The following GSK3B variants were observed in gnomAD, a reference collection of about 807,000 sequenced individuals.
GSK3B encodes the protein glycogen synthase kinase-3 beta.
A neutral mutation model predicts 56.4 loss-of-function variants in GSK3B; 15 were observed. The ratio of observed to expected loss-of-function variants is 0.27; its 90% CI spans 0.18 to 0.41. GSK3B has a LOEUF of 0.41. GSK3B is among the 10% of genes least tolerant of loss of function. GSK3B has a pLI of 1.00. For missense variants in GSK3B, 300 were observed against 513.4 expected (o/e 0.58, Z 4.02); for synonymous variants, 181 against 188.9 (o/e 0.96, Z 0.34).
At chr3:120,013,901 G>A (rs2057801295) in intron 1 of GSK3B, among the ~76,000 whole-genome samples, 1 of 151,670 alleles carries the variant, frequency 6.6e-6, no homozygotes, top group African/African-American at 2.4e-5. Context: ...CGGGCGCAGT[G>A]GCTCAAGCCT....
At chr3:120,090,480 A>G (rs1314545043) in intron 1 of GSK3B, among the ~76,000 whole-genome samples, 1 of 152,202 alleles carries the variant, frequency 6.6e-6, no homozygotes, top group Non-Finnish European at 1.5e-5. Context: ...CAATTTTCCC[A>G]TTACAATTAA....
At chr3:120,042,884 T>C (rs1211703236) in intron 1 of GSK3B, among the ~76,000 whole-genome samples, 1 of 152,248 alleles carries the variant, frequency 6.6e-6, no homozygotes. Flanking sequence ...CCAATTGCCC[T>C]GATGAAAATC....
chr3:120,002,091 T>A lies in GSK3B; in HGVS notation c.237A>T (p.Gly79=). Residue 79 remains glycine (G), a synonymous_variant, in exon 2 of 11, where the codon GGA becomes GGT. Coordinates refer to ENST00000264235, the MANE Select transcript of GSK3B (RefSeq NM_001146156.2). ...ATACTTTCTTGATGGCGACCAGTTC[T>A]CCTGAATCACAAAGTTTGGCTTGAT... is the stretch of plus-strand genomic sequence containing the variant. ...VVYQAKLCDS[G]ELVAIKKVLQ... is the part of the protein sequence containing the mutation. The A allele has an allele frequency of 4.4e-6, 7 of 1,609,164 alleles. No homozygotes were observed. The highest frequency in any genetic ancestry group is 5.9e-6 in the Non-Finnish European group (7 of 1,178,080).
intron 1 of GSK3B, chr3:120,029,838 G>T: frequency 1.8e-6 from 1 of 551,722 alleles, no homozygotes; most frequent in Admixed American, 1.9e-5. Context: ...GAGGACTAAT[G>T]GCCCCCAAAA....
intron 2 of GSK3B, among the ~76,000 whole-genome samples, chr3:119,981,911 G>A (rs1217094095): frequency 1.3e-5 from 2 of 152,226 alleles, no homozygotes; most frequent in Admixed American, 6.5e-5. Context: ...CCTGACCCCC[G>A]TATAGCCTAA....
At chr3:119,912,865 A>T in intron 5 of GSK3B, 55 bp from the exon 6 acceptor site, 1 of 813,696 alleles carries the variant, frequency 1.2e-6, no homozygotes, top group South Asian at 1.7e-5. Flanking sequence ...CTAAACCTTA[A>T]AGAACTTAGA....
chr3:120,017,480 A>G (rs1026442843), intron 1 of GSK3B, among the ~76,000 whole-genome samples: 21 of 152,184 alleles, frequency 1.4e-4, no homozygotes, highest in African/African-American at 3.9e-4. Flanking sequence ...AATGCCCCCA[A>G]TATAACAGCT....
At chr3:119,912,933 T>C (rs1324952810) in intron 5 of GSK3B, 123 bp from the exon 6 acceptor site, 4 of 462,692 alleles carry the variant, frequency 8.6e-6, no homozygotes, top group Admixed American at 3.5e-5. Context: ...TTGAATCATA[T>C]ATGAAAAAGA....
At chr3:119,936,354 A>AT (rs34550759) in intron 3 of GSK3B, among the ~76,000 whole-genome samples, 33,599 of 125,496 alleles carry the variant, frequency 0.27, 4,495 homozygotes, top group East Asian at 0.41. Context: ...ATATATATAT[A>AT]TTTTTTTTTT....
chr3:119,952,412 C>T (rs1333422402), intron 2 of GSK3B, among the ~76,000 whole-genome samples: 7 of 149,194 alleles, frequency 4.7e-5, no homozygotes, highest in East Asian at 2.0e-4. Flanking sequence ...TGCTTGAGCC[C>T]GGGAGGCAGA....
chr3:120,083,598 G>T (rs2058440206), intron 1 of GSK3B, among the ~76,000 whole-genome samples: 1 of 152,140 alleles, frequency 6.6e-6, no homozygotes, highest in Non-Finnish European at 1.5e-5. Context: ...CAGCTTAATA[G>T]CTCCTTAACA....
chr3:120,069,344 A>G (rs933050171), intron 1 of GSK3B, among the ~76,000 whole-genome samples: 12 of 152,338 alleles, frequency 7.9e-5, no homozygotes, highest in South Asian at 4.1e-4. Flanking sequence ...CTTCCTCAAA[A>G]TTGAGAAGAA....
At chr3:119,866,799 G>A (rs1433250793) in intron 8 of GSK3B, among the ~76,000 whole-genome samples, 2 of 152,112 alleles carry the variant, frequency 1.3e-5, no homozygotes, top group African/African-American at 4.8e-5. Context: ...ACAGTAGCAA[G>A]TCCAAGTTTT....
chr3:119,914,929 TC>T (rs1161510545), intron 5 of GSK3B, among the ~76,000 whole-genome samples: 1 of 152,036 alleles, frequency 6.6e-6, no homozygotes, highest in Admixed American at 6.6e-5. Flanking sequence ...GTGAAAAGAA[TC>T]TGTAACAAGG....
intron 9 of GSK3B, chr3:119,843,560 T>C (rs2055810365): frequency 4.2e-6 from 1 of 239,634 alleles, no homozygotes; most frequent in East Asian, 1.3e-4. Context: ...CTGGCCAACA[T>C]GGTGAAACCC....
At chr3:120,004,381 A>G (rs1216273897) in intron 1 of GSK3B, among the ~76,000 whole-genome samples, 1 of 152,198 alleles carries the variant, frequency 6.6e-6, no homozygotes. Context: ...GCAGACTTAA[A>G]CGTCCCTGCC....
intron 1 of GSK3B, among the ~76,000 whole-genome samples, chr3:120,028,440 C>T (rs1056547494): frequency 2.0e-5 from 3 of 152,160 alleles, no homozygotes; most frequent in Non-Finnish European, 4.4e-5. Context: ...ATCCCTCTAG[C>T]CTACAAGAGA....
rs756771200 is a variant in GSK3B, at chr3:119,825,015, G to A, written c.*1773C>T. 1 of 188,260 alleles carries A rather than the reference G, an allele frequency of 5.3e-6. No individual in the cohort carries two copies. The highest frequency in any genetic ancestry group is 2.3e-5 in the African/African-American group (1 of 42,794). 11.7% of individuals were successfully genotyped at this position (188,260 alleles called of 1,614,324 possible). On this transcript the variant is annotated 3_prime_UTR_variant, in exon 11 of 11. Coordinates refer to ENST00000264235, the MANE Select transcript of GSK3B (RefSeq NM_001146156.2). Reference sequence around the variant, plus strand: ...CCTAAGGTGGCAATGAGGAGGGTGAGGGCAAGTTACACACAACCATGGGCT... The same window carrying A: ...CCTAAGGTGGCAATGAGGAGGGTGAAGGCAAGTTACACACAACCATGGGCT...
At chr3:119,916,012 G>C in intron 5 of GSK3B, 32 bp downstream of exon 5, 1 of 1,536,706 alleles carries the variant, frequency 6.5e-7, no homozygotes, top group East Asian at 2.3e-5. Flanking sequence ...GAGGGGAAAA[G>C]GGAAGGGGCA....
Sources: allele counts gnomAD v4.1 joint callset (sites outside exome capture counted in the v4.1 genomes callset), GRCh38; gene constraint gnomAD v4.1.1; transcripts MANE v1.5; gene names NCBI Gene and HGNC (gene_info 2026-07-23, HGNC 2026-07-21).